The following SBF2 variants were observed in gnomAD, a reference collection of about 807,000 sequenced individuals.
SBF2 encodes SET binding factor 2.
Under a neutral mutation model 225.2 loss-of-function variants are expected in SBF2, and 112 were observed. The observed-to-expected ratio is 0.50, with a 90% CI of 0.43 to 0.58. The LOEUF (loss-of-function observed/expected upper bound fraction) is 0.58. Among genes scored for constraint, SBF2 ranks in the 20% least tolerant of loss-of-function variants. The pLI, the probability that SBF2 is intolerant of heterozygous loss-of-function variation, is 0.00. For synonymous variants in SBF2, 763 were observed against 773.3 expected, an observed-to-expected ratio of 0.99 and a Z score of 0.22; for missense variants, 1,996 against 2,206.2, an observed-to-expected ratio of 0.90 and a Z score of 1.91.
At chr11:10,084,925 C>G (rs1011979526) in intron 2 of SBF2, among the ~76,000 whole-genome samples, 1 of 152,102 alleles carries the variant, frequency 6.6e-6, no homozygotes, top group Non-Finnish European at 1.5e-5. Flanking sequence ...AGTGGAGACT[C>G]AGACAGGTGA....
chr11:10,054,890 T>G (rs546599854), intron 2 of SBF2, among the ~76,000 whole-genome samples: 1 of 124,540 alleles, frequency 8.0e-6, no homozygotes, highest in South Asian at 2.5e-4. Flanking sequence ...TTTATTTGTT[T>G]GCATGTTTTT....
chr11:9,878,119 GTT>G (rs1417405036), intron 17 of SBF2, among the ~76,000 whole-genome samples: 1 of 152,170 alleles, frequency 6.6e-6, no homozygotes, highest in African/African-American at 2.4e-5. Flanking sequence ...TCTCATTGTG[GTT>G]TTGATTTGCA....
intron 16 of SBF2, chr11:9,958,754 GA>G: frequency 2.2e-6 from 1 of 450,450 alleles, no homozygotes; most frequent in Non-Finnish European, 4.4e-6. Context: ...TTTTGTACTG[GA>G]AGGGCTCAAC....
chr11:10,030,493 T>A (rs1266444620), intron 4 of SBF2, among the ~76,000 whole-genome samples: 1 of 152,204 alleles, frequency 6.6e-6, no homozygotes, highest in African/African-American at 2.4e-5. Flanking sequence ...ACACAAATAA[T>A]CTCAATTTCT....
chr11:9,964,919 T>A (rs936969469), intron 14 of SBF2, among the ~76,000 whole-genome samples: 1 of 152,188 alleles, frequency 6.6e-6, no homozygotes, highest in African/African-American at 2.4e-5. Context: ...CCTTGTCACA[T>A]GGACATACTG....
intron 16 of SBF2, among the ~76,000 whole-genome samples, chr11:9,925,076 T>C (rs556301162): frequency 1.3e-5 from 2 of 152,194 alleles, no homozygotes; most frequent in Non-Finnish European, 2.9e-5. Context: ...TAGGATATTT[T>C]TAACTTACAA....
intron 1 of SBF2, among the ~76,000 whole-genome samples, chr11:10,243,529 G>T (rs1959448063): frequency 6.6e-6 from 1 of 150,778 alleles, no homozygotes; most frequent in Non-Finnish European, 1.5e-5. Context: ...ACAAAATAAA[G>T]AGTTTTTTGA....
intron 1 of SBF2, among the ~76,000 whole-genome samples, chr11:10,263,130 C>G (rs959141289): frequency 6.6e-6 from 1 of 151,922 alleles, no homozygotes; most frequent in Non-Finnish European, 1.5e-5. Context: ...TCTTTCTATA[C>G]CTATTGAAGG....
rs767632563 is a variant in SBF2, at chr11:9,781,656, C to G, written c.5320-18G>C. The G allele has an allele frequency of 1.2e-6, 2 of 1,613,932 alleles. No individual in the cohort carries two copies. Among genetic ancestry groups the G allele is most frequent in the African/African-American group, 2.7e-5 (2 of 74,908 alleles). On this transcript the variant is annotated intron_variant, in intron 38 of 39. Transcript: ENST00000256190. ...TAGCGCAGCTGGAACCAAAAGGATACAAGTGAGATATAAGAGACAGAAAGA... is the reference window on the plus strand; with the variant it reads ...TAGCGCAGCTGGAACCAAAAGGATAGAAGTGAGATATAAGAGACAGAAAGA...
intron 2 of SBF2, among the ~76,000 whole-genome samples, chr11:10,103,878 T>C (rs1361896543): frequency 6.6e-6 from 1 of 152,168 alleles, no homozygotes; most frequent in African/African-American, 2.4e-5. Flanking sequence ...CCGAGATAGC[T>C]GAGACCAGCT....
intron 13 of SBF2, among the ~76,000 whole-genome samples, chr11:9,977,207 G>A (rs984866874): frequency 6.6e-6 from 1 of 152,120 alleles, no homozygotes; most frequent in African/African-American, 2.4e-5. Flanking sequence ...ATAGAGGCCA[G>A]GGGCATTGGC....
At chr11:10,284,672 A>T (rs1315752345) in intron 1 of SBF2, among the ~76,000 whole-genome samples, 1 of 152,150 alleles carries the variant, frequency 6.6e-6, no homozygotes, top group African/African-American at 2.4e-5. Context: ...GTACAATGGC[A>T]AAAACACAGC....
At chr11:9,940,261 C>T (rs758778232) in intron 16 of SBF2, among the ~76,000 whole-genome samples, 14 of 152,048 alleles carry the variant, frequency 9.2e-5, no homozygotes, top group Non-Finnish European at 1.9e-4. Context: ...AAAAATTAGC[C>T]GGGCATGGTG....
intron 27 of SBF2, 104 bp from the exon 28 acceptor site, chr11:9,829,600 C>T: frequency 9.6e-7 from 1 of 1,044,006 alleles, no homozygotes. Context: ...TTATTTTTCT[C>T]TATATAGTCT....
Position 9,978,114 on chromosome 11 carries a change from T to A in SBF2, c.1396-9569A>T, listed in dbSNP as rs77088025. On this transcript the variant is annotated intron_variant, in intron 13 of 39. Transcript: ENST00000256190. ...GAAATGTGATTAAAAAAACAACAAC[T>A]GACTAGTTAAAAATAGAACCATGTG... is the stretch of plus-strand genomic sequence containing the variant. Among the ~76,000 whole-genome samples, 33 of 152,300 alleles carry A rather than the reference T, an allele frequency of 2.2e-4. No homozygotes were observed. The East Asian group carries it at 6.2e-3, about 28-fold the overall frequency.
intron 2 of SBF2, among the ~76,000 whole-genome samples, chr11:10,089,029 C>T (rs970140059): frequency 1.3e-5 from 2 of 152,098 alleles, no homozygotes; most frequent in Non-Finnish European, 2.9e-5. Flanking sequence ...AACCTGGGTC[C>T]TGCCCTCCTC....
chr11:10,223,718 C>A (rs1171670939), intron 1 of SBF2, among the ~76,000 whole-genome samples: 1 of 151,744 alleles, frequency 6.6e-6, no homozygotes, highest in African/African-American at 2.4e-5. Context: ...TGTATGAGTC[C>A]CATAGTGTTA....
intron 2 of SBF2, among the ~76,000 whole-genome samples, chr11:10,106,553 C>T (rs545320877): frequency 4.3e-4 from 65 of 151,436 alleles, no homozygotes; most frequent in African/African-American, 1.5e-3. Flanking sequence ...CGCTTGAACC[C>T]GCGCAGCAGA....
chr11:10,080,883 A>C (rs141740907), intron 2 of SBF2, among the ~76,000 whole-genome samples: 2 of 152,336 alleles, frequency 1.3e-5, no homozygotes, highest in East Asian at 1.9e-4. Context: ...TGTAATAATA[A>C]AGCAATCAAT....
Sources: allele counts gnomAD v4.1 joint callset (sites outside exome capture counted in the v4.1 genomes callset), GRCh38; gene constraint gnomAD v4.1.1; transcripts MANE v1.5; gene names NCBI Gene and HGNC (gene_info 2026-07-23, HGNC 2026-07-21).